EFL1: variants seen among roughly 807,000 people sequenced by gnomAD.
EFL1 encodes elongation factor like GTPase 1.
Under a neutral mutation model 126.7 loss-of-function variants are expected in EFL1, and 76 were observed. The ratio of observed to expected loss-of-function variants is 0.60; its 90% CI spans 0.50 to 0.73. The LOEUF (loss-of-function observed/expected upper bound fraction) is 0.73, where lower values mean the gene tolerates loss of function less well. Among genes scored for constraint, EFL1 ranks in the 30% least tolerant of loss-of-function variants. The pLI, the probability that EFL1 is intolerant of heterozygous loss-of-function variation, is 0.00. For synonymous variants in EFL1, 410 were observed against 448.4 expected (o/e 0.91, Z 1.08); for missense variants, 1,128 against 1,343.2 (o/e 0.84, Z 2.50).
intron 19 of EFL1, among the ~76,000 whole-genome samples, chr15:82,135,874 G>A (rs2073715805): frequency 1.3e-5 from 2 of 152,160 alleles, no homozygotes; most frequent in African/African-American, 4.8e-5. Context: ...CGGCCACTTT[G>A]GACAATCAGT....
intron 15 of EFL1, among the ~76,000 whole-genome samples, chr15:82,210,561 C>G (rs965686577): frequency 2.6e-5 from 4 of 152,100 alleles, no homozygotes; most frequent in African/African-American, 9.7e-5. Context: ...TTTGGGCCAT[C>G]TCAATAGACA....
rs1457415128 is a variant in EFL1, at chr15:82,151,795, G to A, written c.2659C>T (p.Leu887Phe). ...TLSGPMCEEPLMGVCFVLEKW... is the reference protein window; with the variant it reads ...TLSGPMCEEPFMGVCFVLEKW... Reference sequence around the variant, plus strand: ...TCCAGAACAAAACAGACACCCATGAGAGGCTCCTCACACATGGGGCCAGAG... The same window carrying A: ...TCCAGAACAAAACAGACACCCATGAAAGGCTCCTCACACATGGGGCCAGAG... Residue 887 changes from leucine (L) to phenylalanine (F), a missense_variant, in exon 18 of 20, where the codon CTC (leucine) becomes TTC (phenylalanine). This residue lies in a region of EFL1 where 561 missense variants were observed against 641.7 expected (regional missense o/e 0.87). Coordinates refer to ENST00000268206, the MANE Select transcript of EFL1 (RefSeq NM_024580.6). 3 of 1,614,002 alleles carry A rather than the reference G, an allele frequency of 1.9e-6. No homozygotes were observed. Among genetic ancestry groups the A allele is most frequent in the Non-Finnish European group, 2.5e-6 (3 of 1,180,044 alleles).
intron 7 of EFL1, among the ~76,000 whole-genome samples, chr15:82,237,330 A>C (rs1474913175): frequency 6.6e-6 from 1 of 152,222 alleles, no homozygotes; most frequent in Non-Finnish European, 1.5e-5. Context: ...AAGAAAACAC[A>C]TTAAGAAAAT....
chr15:82,226,256 C>T lies in EFL1; in HGVS notation c.1193-992G>A, dbSNP rs568615485. On this transcript the variant is annotated intron_variant, in intron 11 of 19. Transcript: ENST00000268206. ...TTATCTCGGCTCACTGCAACCTCCGCCTCCCAGGTTCAAGCGATCCTCCTG... is the reference window on the plus strand; with the variant it reads ...TTATCTCGGCTCACTGCAACCTCCGTCTCCCAGGTTCAAGCGATCCTCCTG... 1.6e-3 allele frequency among the ~76,000 whole-genome samples: 242 copies of T among 152,252 alleles called. 1 individual carries two copies. Among genetic ancestry groups the T allele is most frequent in the Admixed American group, 3.4e-3 (52 of 15,308 alleles).
intron 14 of EFL1, among the ~76,000 whole-genome samples, chr15:82,217,877 A>T (rs2074667692): frequency 1.3e-5 from 2 of 152,190 alleles, no homozygotes; most frequent in South Asian, 4.1e-4. Context: ...CTACTCTCTT[A>T]TATGGCTTGA....
At chr15:82,215,697 CAACAT>C (rs1327040490) in intron 14 of EFL1, 1 of 151,982 alleles carries the variant, frequency 6.6e-6, no homozygotes, top group East Asian at 1.9e-4. Flanking sequence ...GGCTGAGATA[CAACAT>C]AAACAAAGAG....
At chr15:82,134,681 G>A (rs1284685806) in intron 19 of EFL1, among the ~76,000 whole-genome samples, 1 of 152,144 alleles carries the variant, frequency 6.6e-6, no homozygotes, top group Non-Finnish European at 1.5e-5. Flanking sequence ...CACCCCTCAG[G>A]GTAATCTCAG....
At chr15:82,171,206 A>G (rs2074131871) in intron 15 of EFL1, among the ~76,000 whole-genome samples, 1 of 152,246 alleles carries the variant, frequency 6.6e-6, no homozygotes, top group Non-Finnish European at 1.5e-5. Context: ...TGAGTAGGTG[A>G]AAACTAGAGG....
In EFL1 at chr15:82,259,008, G is replaced by GAAGAACACAGAAAATGGTTC. The variant is rs1365964155; in HGVS notation, c.159+60_159+79dup. The GAAGAACACAGAAAATGGTTC allele has an allele frequency of 4.6e-6, 6 of 1,304,466 alleles. No individual in the cohort carries two copies. In the African/African-American group the frequency reaches 8.8e-5, roughly 19 times the overall value. 80.8% of individuals were successfully genotyped at this position (1,304,466 alleles called of 1,614,324 possible). On this transcript the variant is annotated intron_variant, in intron 3 of 19. Transcript: ENST00000268206. ...ATGTTTTATACCCTTTTGGATGGCT[G>GAAGAACACAGAAAATGGTTC]AAGAACACAGAAAATGGTTCATCAC...
chr15:82,135,834 C>T (rs187963830), intron 19 of EFL1, among the ~76,000 whole-genome samples: 77 of 152,150 alleles, frequency 5.1e-4, no homozygotes, highest in East Asian at 4.3e-3. Context: ...TCTTATTGGC[C>T]GGAATGCAGA....
intron 5 of EFL1, 35 bp from the exon 6 acceptor site, chr15:82,240,590 G>A (rs1241142366): frequency 1.9e-6 from 3 of 1,609,310 alleles, no homozygotes; most frequent in East Asian, 2.2e-5. Context: ...TAAAACTCAT[G>A]ATTTGAAATA....
intron 15 of EFL1, among the ~76,000 whole-genome samples, chr15:82,198,873 T>G (rs952753448): frequency 1.3e-5 from 2 of 152,162 alleles, no homozygotes; most frequent in African/African-American, 2.4e-5. Flanking sequence ...TACAAATAAT[T>G]TGGAAGACTA....
intron 11 of EFL1, among the ~76,000 whole-genome samples, chr15:82,227,142 C>T (rs989740808): frequency 3.3e-5 from 5 of 152,144 alleles, no homozygotes; most frequent in Non-Finnish European, 4.4e-5. Flanking sequence ...TAAGAAAATA[C>T]GTGGAGACAA....
chr15:82,186,894 C>T (rs2074309550), intron 15 of EFL1, among the ~76,000 whole-genome samples: 1 of 152,124 alleles, frequency 6.6e-6, no homozygotes, highest in South Asian at 2.1e-4. Flanking sequence ...ATCTCAGCGC[C>T]TCAATAATTC....
rs1372684207 is a variant in EFL1, at chr15:82,141,697, A to AC, written c.2990-2856_2990-2855insG. ...TCCAAAAAAAAAAACCAAAAAAAAAAAAACAAAAAAGAAACGTTTGAAGGT... is the reference window on the plus strand; with the variant it reads ...TCCAAAAAAAAAAACCAAAAAAAAAACAAACAAAAAAGAAACGTTTGAAGGT... On this transcript the variant is annotated intron_variant, in intron 18 of 19. Transcript: ENST00000268206. 2.6e-5 allele frequency among the ~76,000 whole-genome samples: 4 copies of AC among 151,920 alleles called. 1 individual carries two copies. The highest frequency in any genetic ancestry group is 9.6e-5 in the African/African-American group (4 of 41,478).
chr15:82,258,376 T>C (rs1424943539), intron 3 of EFL1, among the ~76,000 whole-genome samples: 1 of 151,980 alleles, frequency 6.6e-6, no homozygotes, highest in Non-Finnish European at 1.5e-5. Context: ...CTAGGGAACA[T>C]GGCAAAACCC....
rs1181297386 is a variant in EFL1 at position 82,262,675 on chromosome 15, C to T, written c.-81G>A. On this transcript the variant is annotated 5_prime_UTR_variant, in exon 1 of 20. Coordinates refer to ENST00000268206, the MANE Select transcript of EFL1 (RefSeq NM_024580.6). The stretch of plus-strand genomic sequence containing the variant: ...CGGGTCGCACCCACACCGAGAGCTT[C>T]CGAAAGTCCGAGAGCTCTGCGGGTC... 5 of 555,406 alleles carry T rather than the reference C, an allele frequency of 9.0e-6. No individual in the cohort carries two copies. The highest frequency in any genetic ancestry group is 1.2e-5 in the Non-Finnish European group (4 of 322,066). The allele number at this position is 555,406 out of a possible 1,614,324, so 34.4% of individuals were successfully genotyped here. A position where few individuals can be genotyped will look rare whatever the true frequency, so the allele number is the denominator to read the frequency against.
intron 7 of EFL1, chr15:82,233,670 A>C (rs894049791): frequency 6.6e-6 from 1 of 152,182 alleles, no homozygotes; most frequent in African/African-American, 2.4e-5. Flanking sequence ...TACCCATCCA[A>C]GTCAATATGC....
At chr15:82,204,386 C>CA (rs34231343) in intron 15 of EFL1, among the ~76,000 whole-genome samples, 38,699 of 147,920 alleles carry the variant, frequency 0.26, 5,201 homozygotes, top group African/African-American at 0.32. Context: ...TTTTGGAAAT[C>CA]AAAAAAAAAA....
Sources: allele counts gnomAD v4.1 joint callset (sites outside exome capture counted in the v4.1 genomes callset), GRCh38; gene constraint gnomAD v4.1.1; regional missense constraint gnomAD v4.1.1; transcripts MANE v1.5; gene names NCBI Gene and HGNC (gene_info 2026-07-23, HGNC 2026-07-21).